The following GOLGA1 variants were observed in gnomAD, a reference collection of about 807,000 sequenced individuals.
The protein encoded by GOLGA1 is golgin subfamily A member 1.
GOLGA1 carries 63 observed loss-of-function variants against 119.7 expected under a neutral mutation model. That is an observed-to-expected ratio of 0.53 (90% CI 0.43 to 0.65). GOLGA1 has a LOEUF of 0.65. Ranked by LOEUF, GOLGA1 falls within the 30% of genes least tolerant of loss-of-function variation. The pLI is 0.00. For synonymous variants in GOLGA1, 318 were observed against 333.4 expected (o/e 0.95, Z 0.50); for missense variants, 798 against 912.8 (o/e 0.87, Z 1.62).
intron 14 of GOLGA1, 150 bp downstream of exon 14, chr9:124,899,179 G>C: frequency 1.5e-6 from 1 of 651,436 alleles, no homozygotes; most frequent in Non-Finnish European, 2.6e-6. Flanking sequence ...CTGGGTGACA[G>C]AGTGAGACCC....
At chr9:124,937,731 T>C (rs1830905257) in intron 3 of GOLGA1, among the ~76,000 whole-genome samples, 1 of 152,128 alleles carries the variant, frequency 6.6e-6, no homozygotes, top group African/African-American at 2.4e-5. Context: ...ATTTCCCTCA[T>C]ATAGCAACAT....
In GOLGA1 at chr9:124,921,387, G is replaced by T. The variant is rs1364733141; in HGVS notation, c.732-147C>A. On this transcript the variant is annotated intron_variant, in intron 9 of 22. Transcript: ENST00000373555. Reference sequence around the variant, plus strand: ...CAGGTTTTCAACGGAAAAAGCCTCGGCTCTCTCTGAAGCAGGAGCCCAAAG... The same window carrying T: ...CAGGTTTTCAACGGAAAAAGCCTCGTCTCTCTCTGAAGCAGGAGCCCAAAG... 6 of 639,428 alleles carry T rather than the reference G, an allele frequency of 9.4e-6. No individual in the cohort carries two copies. The Admixed American group carries it at 1.7e-4, about 18-fold the overall frequency. 39.6% of individuals were successfully genotyped at this position (639,428 alleles called of 1,614,324 possible).
Position 124,890,270 on chromosome 9 carries a change from C to T in GOLGA1, c.1497+119G>A, listed in dbSNP as rs912927390. ...CGCAGCTGACTGCATTCCCTGAGTC[C>T]TGAGTCTACTACCCTACCCTGGAGA... On this transcript the variant is annotated intron_variant, in intron 16 of 22. Coordinates refer to ENST00000373555, the MANE Select transcript of GOLGA1 (RefSeq NM_002077.4). 2.3e-5 allele frequency: 16 copies of T among 708,762 alleles called. No individual in the cohort carries two copies. In the African/African-American group the frequency reaches 2.5e-4, roughly 11 times the overall value. The allele number at this position is 708,762 out of a possible 1,614,324, so 43.9% of individuals were successfully genotyped here.
At chr9:124,909,095 A>G (rs1233664823) in intron 11 of GOLGA1, among the ~76,000 whole-genome samples, 1 of 152,164 alleles carries the variant, frequency 6.6e-6, no homozygotes, top group East Asian at 1.9e-4. Context: ...AGATCACTTT[A>G]GGTCAGGAGT....
At position 124,921,736 on chromosome 9, in the gene GOLGA1, G is replaced by C; in HGVS notation, c.718C>G (p.Leu240Val). The C allele has an allele frequency of 6.2e-7, 1 of 1,613,530 alleles. No homozygotes were observed. Among genetic ancestry groups the C allele is most frequent in the East Asian group, 2.2e-5 (1 of 44,894 alleles). Residue 240 changes from leucine (L) to valine (V), a missense_variant, in exon 9 of 23, where the codon CTG becomes GTG. Coordinates refer to ENST00000373555, the MANE Select transcript of GOLGA1 (RefSeq NM_002077.4). ...LEELQRHYSTLEEQRDHVIAS... is the reference protein window; with the variant it reads ...LEELQRHYSTVEEQRDHVIAS... The stretch of plus-strand genomic sequence containing the variant: ...CCAAGCAAGAACCTCTGCTCTTCCA[G>C]CGTTGAGTAGTGTCTCTGCAATTCT...
intron 7 of GOLGA1, among the ~76,000 whole-genome samples, chr9:124,923,575 G>T (rs1000264322): frequency 1.3e-5 from 2 of 151,742 alleles, no homozygotes; most frequent in African/African-American, 4.8e-5. Context: ...TTTAACTAGA[G>T]AATTTAATTC....
intron 19 of GOLGA1, among the ~76,000 whole-genome samples, chr9:124,885,989 G>A (rs1176145034): frequency 1.3e-5 from 2 of 152,234 alleles, no homozygotes; most frequent in East Asian, 3.8e-4. Context: ...GGTGCTGAAG[G>A]AATCTGCTAA....
At chr9:124,923,002 G>A (rs970453678) in intron 8 of GOLGA1, 93 bp downstream of exon 8, 7 of 762,486 alleles carry the variant, frequency 9.2e-6, no homozygotes, top group Admixed American at 2.5e-5. Context: ...TATTACTGGT[G>A]TATGTTTATC....
chr9:124,900,132 C>T (rs1400700720), intron 13 of GOLGA1: 1 of 248,342 alleles, frequency 4.0e-6, no homozygotes, highest in African/African-American at 2.3e-5. Context: ...GACTTGTTCT[C>T]CCCGCCCCTG....
rs148050398 is a variant in GOLGA1 at position 124,931,351 on chromosome 9, T to C, written c.191A>G (p.Asn64Ser). The C allele has an allele frequency of 5.1e-5, 82 of 1,595,144 alleles. No individual in the cohort carries two copies. In the African/African-American group the frequency reaches 9.6e-4, roughly 19 times the overall value. The change falls in exon 4 of 23, where the codon AAT becomes AGT. Residue 64 changes from asparagine (N) to serine (S), a missense_variant. Physicochemically the swap from Asn to Ser is conservative, Grantham distance 46. Transcript: ENST00000373555. The part of the protein sequence containing the change: ...EDLSSQLLRR[N>S]EQIRKLEARL... ...GGCCTCTAACTTCCGTATCTGTTCA[T>C]TCCTTCTCAGAAGCTGGGATGAAAG...
In GOLGA1 at chr9:124,881,293, G is replaced by C. The variant is rs376540408; in HGVS notation, c.2137-36C>G. On this transcript the variant is annotated intron_variant, in intron 21 of 22. Transcript: ENST00000373555. The surrounding 1 kb of genome is among the most constrained non-coding windows in gnomAD (Gnocchi z 4.9). ...GTAAGTTTTGCTGCCATAGGCCTTG[G>C]TGAAGGTGAGGCGGGGTGGGGTCGG... 8.1e-6 allele frequency: 10 copies of C among 1,233,158 alleles called. No individual in the cohort carries two copies. In the Admixed American group the frequency reaches 1.7e-4, roughly 21 times the overall value. The allele number at this position is 1,233,158 out of a possible 1,614,324, so 76.4% of individuals were successfully genotyped here.
chr9:124,931,347 T>A lies in GOLGA1; in HGVS notation c.195A>T (p.Glu65Asp). Residue 65 changes from glutamate (E) to aspartate (D), a missense_variant, in exon 4 of 23, where the codon GAA becomes GAT. Physicochemically the swap from Glu to Asp is conservative, Grantham distance 45. Coordinates refer to ENST00000373555, the MANE Select transcript of GOLGA1 (RefSeq NM_002077.4). ...DLSSQLLRRN[E>D]QIRKLEARLS... is the part of the protein sequence containing the mutation. The stretch of plus-strand genomic sequence containing the variant: ...GTCTGGCCTCTAACTTCCGTATCTG[T>A]TCATTCCTTCTCAGAAGCTGGGATG... 1 of 1,591,908 alleles carries A rather than the reference T, an allele frequency of 6.3e-7. No individual in the cohort carries two copies. Among genetic ancestry groups the A allele is most frequent in the Non-Finnish European group, 8.6e-7 (1 of 1,159,844 alleles).
chr9:124,902,256 C>A (rs892376628), intron 12 of GOLGA1, among the ~76,000 whole-genome samples: 3 of 151,392 alleles, frequency 2.0e-5, no homozygotes, highest in African/African-American at 7.3e-5. Flanking sequence ...GGACTACAGG[C>A]AACTGCCACC....
chr9:124,933,766 TC>T (rs1830814919), intron 3 of GOLGA1, among the ~76,000 whole-genome samples: 1 of 152,078 alleles, frequency 6.6e-6, no homozygotes, highest in Non-Finnish European at 1.5e-5. Flanking sequence ...ACATGACCAG[TC>T]CCCAATAAAA....
Position 124,880,351 on chromosome 9 carries a change from AC to A in GOLGA1, c.*178del. 1 of 499,278 alleles carries A rather than the reference AC, an allele frequency of 2.0e-6. No homozygotes were observed. Among genetic ancestry groups the A allele is most frequent in the Non-Finnish European group, 3.7e-6 (1 of 266,852 alleles). 30.9% of individuals were successfully genotyped at this position (499,278 alleles called of 1,614,324 possible). ...GGTGACCAGAATGACAGGATCAGCT[AC>A]CCCCTGAGGTTCAGGTCAGCCTGCA... On this transcript the variant is annotated 3_prime_UTR_variant, in exon 23 of 23. Coordinates refer to ENST00000373555, the MANE Select transcript of GOLGA1 (RefSeq NM_002077.4).
intron 3 of GOLGA1, among the ~76,000 whole-genome samples, chr9:124,936,285 G>A (rs1056632987): frequency 6.6e-6 from 1 of 151,388 alleles, no homozygotes; most frequent in African/African-American, 2.4e-5. Context: ...GCTCCATCCC[G>A]ATAACCTAAT....
At chr9:124,937,599 C>A (rs1830901832) in intron 3 of GOLGA1, among the ~76,000 whole-genome samples, 1 of 150,150 alleles carries the variant, frequency 6.7e-6, no homozygotes, top group South Asian at 2.1e-4. Flanking sequence ...CCACTGCACT[C>A]CGGCCTGGCT....
intron 1 of GOLGA1, chr9:124,947,298 TG>T (rs1411433278): frequency 6.6e-6 from 1 of 152,226 alleles, no homozygotes; most frequent in Non-Finnish European, 1.5e-5. Flanking sequence ...AAGAATCTGC[TG>T]GTGTCTCAGT....
intron 5 of GOLGA1, among the ~76,000 whole-genome samples, chr9:124,928,775 C>T (rs566338025): frequency 6.6e-6 from 1 of 152,170 alleles, no homozygotes; most frequent in South Asian, 2.1e-4. Flanking sequence ...TTGGATGGTA[C>T]CCAAAGAATA....
Sources: gnomAD v4.1 joint callset for allele counts (sites outside exome capture counted in the v4.1 genomes callset) on GRCh38, gnomAD v4.1.1 for gene constraint, Gnocchi (gnomAD v3.1) non-coding constraint, MANE v1.5 for transcripts, NCBI Gene and HGNC (gene_info 2026-07-23, HGNC 2026-07-21) for gene names.